RTN4IP1: variants seen among roughly 807,000 people sequenced by gnomAD.
RTN4IP1 encodes the protein NAD(P)H oxidoreductase RTN4IP1, mitochondrial.
RTN4IP1 carries 32 observed loss-of-function variants against 46.6 expected under a neutral mutation model. The observed-to-expected ratio is 0.69, with a 90% CI of 0.52 to 0.92. The LOEUF (loss-of-function observed/expected upper bound fraction) is 0.92. Ranked by LOEUF, RTN4IP1 falls within the 40% of genes least tolerant of loss-of-function variation. RTN4IP1 has a pLI of 0.00. For synonymous variants in RTN4IP1, 167 were observed against 161.8 expected (o/e 1.03, Z -0.24); for missense variants, 424 against 485.8 (o/e 0.87, Z 1.20).
At chr6:106,592,360 C>T in intron 5 of RTN4IP1, 60 bp from the exon 6 acceptor site, 2 of 1,538,010 alleles carry the variant, frequency 1.3e-6, no homozygotes, top group Non-Finnish European at 1.8e-6. Context: ...AAACTGACTG[C>T]ATTGAAAAAA....
At chr6:106,602,844 CCTATT>C (rs748355797) in intron 5 of RTN4IP1, 25 bp downstream of exon 5, 2 of 1,485,878 alleles carry the variant, frequency 1.3e-6, no homozygotes, top group African/African-American at 2.8e-5. Flanking sequence ...ACAAAATCCT[CCTATT>C]CACAAGATTA....
chr6:106,599,680 T>A (rs72945030), intron 5 of RTN4IP1, among the ~76,000 whole-genome samples: 6,028 of 152,202 alleles, frequency 0.04, 181 homozygotes, highest in Non-Finnish European at 0.06. Flanking sequence ...ACAATTTACT[T>A]ACTCATTTTA....
At chr6:106,581,272 C>T (rs994522321) in intron 8 of RTN4IP1, among the ~76,000 whole-genome samples, 1 of 152,192 alleles carries the variant, frequency 6.6e-6, no homozygotes, top group Non-Finnish European at 1.5e-5. Context: ...TGTTGTTTCA[C>T]AGCTTTTCAC....
intron 8 of RTN4IP1, among the ~76,000 whole-genome samples, chr6:106,575,304 G>A (rs1775196978): frequency 6.6e-6 from 1 of 152,226 alleles, no homozygotes; most frequent in Non-Finnish European, 1.5e-5. Context: ...CACAGCAGCA[G>A]CCCTCATTCA....
chr6:106,604,655 G>C (rs1776017371), intron 4 of RTN4IP1, among the ~76,000 whole-genome samples: 1 of 152,052 alleles, frequency 6.6e-6, no homozygotes, highest in South Asian at 2.1e-4. Context: ...GACTAGAGTA[G>C]GTGCCACACA....
At chr6:106,601,260 T>C (rs1352196979) in intron 5 of RTN4IP1, among the ~76,000 whole-genome samples, 1 of 152,164 alleles carries the variant, frequency 6.6e-6, no homozygotes, top group African/African-American at 2.4e-5. Context: ...AATTAAATAC[T>C]GTGCTGTCTT....
At chr6:106,583,095 G>T (rs567930654) in intron 8 of RTN4IP1, among the ~76,000 whole-genome samples, 1 of 152,282 alleles carries the variant, frequency 6.6e-6, no homozygotes, top group South Asian at 2.1e-4. Context: ...CTAAACCAAG[G>T]CGGTTTGACT....
chr6:106,571,900 C>G lies in RTN4IP1; in HGVS notation c.*96G>C. 1.3e-6 allele frequency: 1 copy of G among 748,108 alleles called. No homozygotes were observed. The highest frequency in any genetic ancestry group is 1.8e-5 in the African/African-American group (1 of 56,922). The allele number at this position is 748,108 out of a possible 1,614,324, so 46.3% of individuals were successfully genotyped here. ...TGTATCATGGAATGTATAATCTAAT[C>G]TGGAAAAATGTTTGAAAGGGATGGC... On this transcript the variant is annotated 3_prime_UTR_variant, in exon 9 of 9. Transcript: ENST00000369063.
chr6:106,605,814 CCCAAAAAA>C (rs1416946744), intron 4 of RTN4IP1, among the ~76,000 whole-genome samples: 4 of 96,702 alleles, frequency 4.1e-5, no homozygotes, highest in East Asian at 3.4e-4. Context: ...AAGACTCTGT[CCCAAAAAA>C]AAAAAAAAAA....
intron 4 of RTN4IP1, 83 bp from the exon 5 acceptor site, chr6:106,603,005 T>A: frequency 1.1e-6 from 1 of 877,698 alleles, no homozygotes; most frequent in East Asian, 2.7e-5. Flanking sequence ...AACTGGTTGA[T>A]GATAAGATGA....
In RTN4IP1 at chr6:106,592,290, G is replaced by A; in HGVS notation, c.680C>T (p.Ala227Val). Residue 227 changes from alanine (A) to valine (V), a missense_variant, in exon 6 of 9, where the codon GCA (alanine) becomes GTA (valine). Physicochemically the swap from Ala to Val is moderately conservative, Grantham distance 64. Coordinates refer to ENST00000369063, the MANE Select transcript of RTN4IP1 (RefSeq NM_032730.5). Reference sequence around the variant, plus strand: ...AACTGCTGTCACATGAGCATCCCATGCTTTCATTACCTGCCCCCCACCAAA... The same window carrying A: ...AACTGCTGTCACATGAGCATCCCATACTTTCATTACCTGCCCCCCACCAAA... Reference protein sequence around the residue: ...VGTFAIQVMKAWDAHVTAVCS... With the variant: ...VGTFAIQVMKVWDAHVTAVCS... 6.2e-7 allele frequency: 1 copy of A among 1,613,438 alleles called. No individual in the cohort carries two copies. Among genetic ancestry groups the A allele is most frequent in the Non-Finnish European group, 8.5e-7 (1 of 1,179,868 alleles).
At chr6:106,625,722 G>A (rs1442918883) in intron 1 of RTN4IP1, among the ~76,000 whole-genome samples, 2 of 135,868 alleles carry the variant, frequency 1.5e-5, no homozygotes, top group Non-Finnish European at 3.0e-5. Flanking sequence ...GGAGTGCAAT[G>A]GCGTGATCTC....
At chr6:106,598,637 G>T (rs1165938566) in intron 5 of RTN4IP1, among the ~76,000 whole-genome samples, 3 of 151,982 alleles carry the variant, frequency 2.0e-5, no homozygotes, top group East Asian at 3.9e-4. Context: ...TTTCTCCCAC[G>T]TTGTAGGCTG....
chr6:106,574,301 G>T (rs1259058394), intron 8 of RTN4IP1, among the ~76,000 whole-genome samples: 1 of 152,036 alleles, frequency 6.6e-6, no homozygotes, highest in Non-Finnish European at 1.5e-5. Context: ...AAATTAGCTG[G>T]GTGTGGTGGT....
rs986979189 is a variant in RTN4IP1, at chr6:106,570,985, A to G, written c.*1011T>C. The stretch of plus-strand genomic sequence containing the variant: ...TACCGTAAATGAATATTCGAAGTGC[A>G]CACTGCAATGGGTTGATTGGAGAGA... On this transcript the variant is annotated 3_prime_UTR_variant, in exon 9 of 9. Transcript: ENST00000369063. 9 of 152,226 alleles carry G rather than the reference A, an allele frequency of 5.9e-5. No individual in the cohort carries two copies. The highest frequency in any genetic ancestry group is 1.9e-4 in the African/African-American group (8 of 41,464). The allele number at this position is 152,226 out of a possible 1,614,324, so 9.4% of individuals were successfully genotyped here. A position where few individuals can be genotyped will look rare whatever the true frequency, so the allele number is the denominator to read the frequency against.
In RTN4IP1 at chr6:106,629,403, A is replaced by G; in HGVS notation, c.-382T>C. ...GACAAGCAGACACCGCTCGCGATCC[A>G]ACGCCAGAGAATCGAACGCTTGCCG... On this transcript the variant is annotated 5_prime_UTR_variant, in exon 1 of 9. Transcript: ENST00000369063. 1.8e-6 allele frequency: 1 copy of G among 571,260 alleles called. No homozygotes were observed. The highest frequency in any genetic ancestry group is 3.1e-6 in the Non-Finnish European group (1 of 322,892). 35.4% of individuals were successfully genotyped at this position (571,260 alleles called of 1,614,324 possible). A position where few individuals can be genotyped will look rare whatever the true frequency, so the allele number is the denominator to read the frequency against.
intron 8 of RTN4IP1, among the ~76,000 whole-genome samples, chr6:106,580,368 A>G (rs1293724450): frequency 6.6e-6 from 1 of 152,140 alleles, no homozygotes; most frequent in Non-Finnish European, 1.5e-5. Flanking sequence ...GGTAGGCCAC[A>G]AGATAAATTC....
intron 5 of RTN4IP1, among the ~76,000 whole-genome samples, chr6:106,598,826 T>G (rs1206755153): frequency 1.3e-5 from 2 of 151,736 alleles, no homozygotes; most frequent in African/African-American, 4.8e-5. Context: ...TTTTATGGTT[T>G]TAGGTCTAAC....
At chr6:106,592,443 A>G in intron 5 of RTN4IP1, 143 bp from the exon 6 acceptor site, 1 of 824,172 alleles carries the variant, frequency 1.2e-6, no homozygotes, top group Non-Finnish European at 1.8e-6. Flanking sequence ...CTTAACCAGA[A>G]CTATAGGAAG....
Sources: gnomAD v4.1 joint callset for allele counts (sites outside exome capture counted in the v4.1 genomes callset) on GRCh38, gnomAD v4.1.1 for gene constraint, MANE v1.5 for transcripts, NCBI Gene and HGNC (gene_info 2026-07-23, HGNC 2026-07-21) for gene names.